Variants in BTAF1 observed in about 807,000 individuals in gnomAD.
BTAF1 encodes the protein B-TFIID TATA-box binding protein associated factor 1.
Under a neutral mutation model 227.1 loss-of-function variants are expected in BTAF1, and 38 were observed. That is an observed-to-expected ratio of 0.17 (90% CI 0.13 to 0.22). The LOEUF (loss-of-function observed/expected upper bound fraction) is 0.22, where lower values mean the gene tolerates loss of function less well. Among genes scored for constraint, BTAF1 ranks in the 10% least tolerant of loss-of-function variants. The pLI is 1.00. For synonymous variants in BTAF1, 742 were observed against 751.9 expected (o/e 0.99, Z 0.21); for missense variants, 1,598 against 2,204.0 (o/e 0.73, Z 5.51).
In BTAF1 at chr10:91,953,727, A is replaced by T. The variant is rs1845915394; in HGVS notation, c.565-10A>T. 1 of 1,607,374 alleles carries T rather than the reference A, an allele frequency of 6.2e-7. No homozygotes were observed. Among genetic ancestry groups the T allele is most frequent in the Admixed American group, 1.7e-5 (1 of 58,192 alleles). ...AAAAGTTCCAACTCAGCATTCTTTT[A>T]TTCTTTTAGACTCTTCAGGCAGCTG... On this transcript the variant is annotated splice_polypyrimidine_tract_variant and intron_variant, in intron 5 of 37. Coordinates refer to ENST00000265990, the MANE Select transcript of BTAF1 (RefSeq NM_003972.3).
chr10:91,959,231 A>G, intron 9 of BTAF1, 77 bp downstream of exon 9: 3 of 1,602,874 alleles, frequency 1.9e-6, no homozygotes, highest in Non-Finnish European at 2.6e-6. Context: ...AGTAACGAGT[A>G]TGTGCCGTGA....
At chr10:92,025,810 C>CAAAAAA (rs71025383) in intron 35 of BTAF1, among the ~76,000 whole-genome samples, 6 of 86,888 alleles carry the variant, frequency 6.9e-5, no homozygotes, top group Admixed American at 1.3e-4. Context: ...GACTCTGTCT[C>CAAAAAA]AAAAAAAAAA....
chr10:91,989,230 G>A lies in BTAF1; in HGVS notation c.2504G>A (p.Arg835Gln), dbSNP rs775680358. The change falls in exon 20 of 38, where the codon CGA (arginine) becomes CAA (glutamine). Residue 835 changes from arginine (R) to glutamine (Q), a missense_variant. Physicochemically the swap from Arg to Gln is conservative, Grantham distance 43 (BLOSUM62 1). This residue lies in a region of BTAF1 where 425 missense variants were observed against 491.2 expected (regional missense o/e 0.87). Coordinates refer to ENST00000265990, the MANE Select transcript of BTAF1 (RefSeq NM_003972.3). ...GTGTTACAACAGTTAGATAGTAAAC[G>A]ACAGCAGGTCCAAATGACAGTTACA... is the stretch of plus-strand genomic sequence containing the variant. ...PQVLQQLDSK[R>Q]QQVQMTVTET... 2 of 1,613,980 alleles carry A rather than the reference G, an allele frequency of 1.2e-6. No individual in the cohort carries two copies. The highest frequency in any genetic ancestry group is 1.7e-6 in the Non-Finnish European group (2 of 1,180,008).
intron 1 of BTAF1, among the ~76,000 whole-genome samples, chr10:91,927,981 T>C (rs12220665): frequency 2.6e-4 from 5 of 19,440 alleles, no homozygotes; most frequent in African/African-American, 7.0e-4. Context: ...GCCTTTTTTC[T>C]TTTTTTTTTT....
At chr10:91,993,126 T>C (rs1206604592) in intron 21 of BTAF1, among the ~76,000 whole-genome samples, 1 of 152,234 alleles carries the variant, frequency 6.6e-6, no homozygotes, top group Non-Finnish European at 1.5e-5. Context: ...CCTATAATAA[T>C]TGTAATAAAA....
chr10:91,952,154 GTGTGTT>G (rs1427783619), intron 5 of BTAF1, among the ~76,000 whole-genome samples: 3 of 146,850 alleles, frequency 2.0e-5, no homozygotes, highest in African/African-American at 7.9e-5. Flanking sequence ...ATGTGTGTGT[GTGTGTT>G]TGTGTGTGTG....
chr10:91,969,108 T>G (rs564282136), intron 14 of BTAF1, among the ~76,000 whole-genome samples: 1 of 151,762 alleles, frequency 6.6e-6, no homozygotes, highest in African/African-American at 2.4e-5. Context: ...TTTGCCTATT[T>G]TAATATTGGG....
chr10:91,975,859 A>G (rs963570879), intron 14 of BTAF1, among the ~76,000 whole-genome samples: 4 of 152,216 alleles, frequency 2.6e-5, no homozygotes, highest in Admixed American at 2.0e-4. Flanking sequence ...CATTTTTACA[A>G]TACAACATTC....
chr10:91,935,615 GA>G, intron 1 of BTAF1, 41 bp from the exon 2 acceptor site: 1 of 1,603,256 alleles, frequency 6.2e-7, no homozygotes, highest in Non-Finnish European at 8.5e-7. Flanking sequence ...TACATACGAG[GA>G]AAAGCATTTG....
At chr10:92,018,651 A>G (rs1850903631) in intron 33 of BTAF1, 132 bp from the exon 34 acceptor site, 1 of 733,848 alleles carries the variant, frequency 1.4e-6, no homozygotes, top group African/African-American at 1.8e-5. Flanking sequence ...GAATGAGTAG[A>G]AGTTTGCCGA....
intron 37 of BTAF1, 115 bp from the exon 38 acceptor site, chr10:92,028,675 G>A: frequency 2.0e-6 from 2 of 999,080 alleles, no homozygotes; most frequent in Non-Finnish European, 1.4e-6. Flanking sequence ...ATCACTTGAA[G>A]TACTCAATTC....
chr10:91,962,785 T>C, intron 12 of BTAF1, 107 bp downstream of exon 12: 1 of 1,093,690 alleles, frequency 9.1e-7, no homozygotes. Context: ...TCTTCAATTT[T>C]TTTTTTTAAC....
At chr10:91,992,621 G>A (rs1181509107) in intron 21 of BTAF1, among the ~76,000 whole-genome samples, 1 of 152,146 alleles carries the variant, frequency 6.6e-6, no homozygotes, top group African/African-American at 2.4e-5. Flanking sequence ...TCCTTTCAAT[G>A]CACAAATGTC....
Position 91,966,644 on chromosome 10 carries a change from C to A in BTAF1, c.1537C>A (p.Gln513Lys). The change falls in exon 14 of 38, where the codon CAG becomes AAG. Residue 513 changes from glutamine (Q) to lysine (K), a missense_variant. Around this residue, in one of 10 missense-constraint regions of BTAF1, gnomAD observed 318 missense variants for 435.0 expected, o/e 0.73. Transcript: ENST00000265990. ...TTGTGTCTTCTTTATTAGTATTCAG[C>A]AGTCACTGACAGTTTTAGTTCCACG... ...YPQVQQCSIQ[Q>K]SLTVLVPRVW... 2 of 1,613,332 alleles carry A rather than the reference C, an allele frequency of 1.2e-6. No individual in the cohort carries two copies. The highest frequency in any genetic ancestry group is 1.3e-5 in the African/African-American group (1 of 75,024).
chr10:91,956,766 T>C (rs1846118032), intron 7 of BTAF1, 109 bp downstream of exon 7: 4 of 1,209,264 alleles, frequency 3.3e-6, no homozygotes, highest in Non-Finnish European at 3.4e-6. Context: ...GAGGCGGGCG[T>C]TATCACGAGG....
Position 91,953,820 on chromosome 10 carries a change from C to G in BTAF1, c.648C>G (p.Ala216=). The change falls in exon 6 of 38, where the codon GCC becomes GCG. Residue 216 remains alanine, a synonymous_variant. Coordinates refer to ENST00000265990, the MANE Select transcript of BTAF1 (RefSeq NM_003972.3). Reference sequence around the variant, plus strand: ...AAAAGAACAAAGCTAAAAGAATGGCCAAGTTATTTGCAAAACAGAGATCCA... The same window carrying G: ...AAAAGAACAAAGCTAAAAGAATGGCGAAGTTATTTGCAAAACAGAGATCCA... ...NRQKNKAKRM[A]KLFAKQRSRD... 1 of 1,613,902 alleles carries G rather than the reference C, an allele frequency of 6.2e-7. No individual in the cohort carries two copies. The highest frequency in any genetic ancestry group is 8.5e-7 in the Non-Finnish European group (1 of 1,179,908).
At chr10:91,989,646 G>A in intron 20 of BTAF1, 66 bp downstream of exon 20, 1 of 1,406,718 alleles carries the variant, frequency 7.1e-7, no homozygotes, top group South Asian at 1.4e-5. Context: ...GTTTACTTAT[G>A]GGTATAATTT....
chr10:91,987,192 C>G (rs1165511443), intron 19 of BTAF1, among the ~76,000 whole-genome samples: 1 of 147,802 alleles, frequency 6.8e-6, no homozygotes, highest in Non-Finnish European at 1.5e-5. Context: ...CAGAAAGTCT[C>G]ATGTGTTTAG....
rs755839370 is a variant in BTAF1 at position 92,016,460 on chromosome 10, T to A, written c.4705T>A (p.Phe1569Ile). Residue 1569 changes from phenylalanine to isoleucine, a missense_variant, in exon 33 of 38, where the codon TTC (phenylalanine) becomes ATC (isoleucine). Phe to Ile is a conservative substitution (Grantham distance 21). Around this residue, in one of 10 missense-constraint regions of BTAF1, gnomAD observed 205 missense variants for 244.5 expected, o/e 0.84. Transcript: ENST00000265990. ...KPKLKATGHVFQALQYLRKLC... is the reference protein window; with the variant it reads ...KPKLKATGHVIQALQYLRKLC... ...AAAGCTTAAAGCTACAGGCCACGTA[T>A]TCCAGGTATAGATTACATTCTACTT... 2 of 1,561,248 alleles carry A rather than the reference T, an allele frequency of 1.3e-6. No individual in the cohort carries two copies. Among genetic ancestry groups the A allele is most frequent in the Non-Finnish European group, 1.7e-6 (2 of 1,162,688 alleles).
Sources: allele counts gnomAD v4.1 joint callset (sites outside exome capture counted in the v4.1 genomes callset), GRCh38; gene constraint gnomAD v4.1.1; regional missense constraint gnomAD v4.1.1; transcripts MANE v1.5; gene names NCBI Gene and HGNC (gene_info 2026-07-23, HGNC 2026-07-21).